Variants in POU6F2 observed in about 807,000 individuals in gnomAD.
POU6F2 encodes POU domain, class 6, transcription factor 2.
In POU6F2, 31 loss-of-function variants were observed where a neutral mutation model predicts 71.3. That is an observed-to-expected ratio of 0.43 (90% CI 0.33 to 0.59). POU6F2 has a LOEUF of 0.59. Ranked by LOEUF, POU6F2 falls within the 20% of genes least tolerant of loss-of-function variation. The pLI is 0.04. For missense variants in POU6F2, 783 were observed against 856.8 expected (o/e 0.91, Z 1.07); for synonymous variants, 347 against 355.7 (o/e 0.98, Z 0.27).
At chr7:39,015,347 A>AAT (rs199939535) in intron 1 of POU6F2, among the ~76,000 whole-genome samples, 3 of 134,772 alleles carry the variant, frequency 2.2e-5, no homozygotes, top group East Asian at 4.2e-4. Flanking sequence ...AATATATAAT[A>AAT]ATAGATATAT....
chr7:39,030,543 T>TATATATATAA, intron 1 of POU6F2, among the ~76,000 whole-genome samples: 1 of 88,014 alleles, frequency 1.1e-5, no homozygotes, highest in South Asian at 3.7e-4. Flanking sequence ...TATATATATA[T>TATATATATAA]ACACACACAT....
chr7:39,436,529 C>T (rs982345419), intron 7 of POU6F2, among the ~76,000 whole-genome samples: 3 of 138,212 alleles, frequency 2.2e-5, no homozygotes, highest in African/African-American at 8.8e-5. Context: ...GGGGCCGAGA[C>T]GATGGGGTTT....
intron 4 of POU6F2, among the ~76,000 whole-genome samples, chr7:39,264,833 C>T (rs554212251): frequency 2.0e-5 from 3 of 151,960 alleles, no homozygotes; most frequent in East Asian, 3.9e-4. Flanking sequence ...TGTGTGGAGA[C>T]GGCTAATATA....
chr7:39,355,572 A>G (rs1370589151), intron 5 of POU6F2, among the ~76,000 whole-genome samples: 2 of 152,132 alleles, frequency 1.3e-5, no homozygotes, highest in Non-Finnish European at 2.9e-5. Context: ...GGAAGCAGGT[A>G]TATCAGTATC....
intron 5 of POU6F2, among the ~76,000 whole-genome samples, chr7:39,378,941 G>A (rs932295921): frequency 2.6e-5 from 4 of 152,142 alleles, no homozygotes; most frequent in African/African-American, 7.2e-5. Context: ...TTCCCTTGTG[G>A]GGAAGATTGA....
chr7:39,349,532 A>AT (rs1192119332), intron 5 of POU6F2, among the ~76,000 whole-genome samples: 4 of 151,974 alleles, frequency 2.6e-5, no homozygotes, highest in Admixed American at 6.5e-5. Flanking sequence ...TGGTCAGGAG[A>AT]TCCCCCAGCC....
chr7:39,032,556 A>G (rs1490633828), intron 1 of POU6F2, among the ~76,000 whole-genome samples: 1 of 152,230 alleles, frequency 6.6e-6, no homozygotes, highest in Non-Finnish European at 1.5e-5. Context: ...ACATGAAAGT[A>G]GCGCATCCTG....
At chr7:39,135,749 C>T (rs991814902) in intron 2 of POU6F2, among the ~76,000 whole-genome samples, 2 of 151,980 alleles carry the variant, frequency 1.3e-5, no homozygotes, top group Non-Finnish European at 2.9e-5. Context: ...CTCACTGTCA[C>T]CATTGTTATT....
At chr7:39,418,119 G>T (rs1048912840) in intron 6 of POU6F2, among the ~76,000 whole-genome samples, 1 of 152,128 alleles carries the variant, frequency 6.6e-6, no homozygotes, top group Non-Finnish European at 1.5e-5. Flanking sequence ...TTCAAACTCA[G>T]TTATGTCTAA....
At chr7:39,268,873 A>T (rs958968734) in intron 4 of POU6F2, among the ~76,000 whole-genome samples, 3 of 152,174 alleles carry the variant, frequency 2.0e-5, no homozygotes, top group Non-Finnish European at 4.4e-5. Flanking sequence ...ACCACTTTAA[A>T]TAAGTCTCCA....
rs950034120 is a variant in POU6F2 at position 39,237,475 on chromosome 7, A to G, written c.598+29855A>G. On this transcript the variant is annotated intron_variant, in intron 4 of 9. Coordinates refer to ENST00000518318, the MANE Select transcript of POU6F2 (RefSeq NM_001370959.1). ...ACTAATTAGGACCTTTCTCAAAGGA[A>G]TTGTGAACATGAAATACAGCTAACA... Among the ~76,000 whole-genome samples, 3 of 152,206 alleles carry G rather than the reference A, an allele frequency of 2.0e-5. No individual in the cohort carries two copies. In the East Asian group the frequency reaches 5.8e-4, roughly 29 times the overall value.
At chr7:39,107,092 T>C (rs1045202045) in intron 2 of POU6F2, among the ~76,000 whole-genome samples, 5 of 151,342 alleles carry the variant, frequency 3.3e-5, no homozygotes, top group Admixed American at 3.3e-4. Context: ...TTGCCCAGGC[T>C]GGAGTGTAGT....
At chr7:39,111,761 GC>G (rs962083792) in intron 2 of POU6F2, among the ~76,000 whole-genome samples, 1 of 152,068 alleles carries the variant, frequency 6.6e-6, no homozygotes, top group African/African-American at 2.4e-5. Context: ...ATTATATCAC[GC>G]AAGGACTGAA....
At chr7:39,141,019 G>T (rs918310770) in intron 2 of POU6F2, among the ~76,000 whole-genome samples, 4 of 152,080 alleles carry the variant, frequency 2.6e-5, no homozygotes, top group Admixed American at 1.3e-4. Context: ...GCAGCTTGTG[G>T]CCAGTCTTAA....
At chr7:39,401,751 C>T (rs987644879) in intron 5 of POU6F2, among the ~76,000 whole-genome samples, 3 of 152,162 alleles carry the variant, frequency 2.0e-5, no homozygotes, top group African/African-American at 7.2e-5. Flanking sequence ...TGAATATCCT[C>T]ATTTGAAAAC....
chr7:39,179,539 A>G (rs944148943), intron 2 of POU6F2, among the ~76,000 whole-genome samples: 2 of 152,198 alleles, frequency 1.3e-5, no homozygotes, highest in Non-Finnish European at 2.9e-5. Flanking sequence ...GCGCGCACAC[A>G]CACACACACA....
intron 1 of POU6F2, among the ~76,000 whole-genome samples, chr7:39,038,234 T>G (rs1267554147): frequency 6.6e-6 from 1 of 152,062 alleles, no homozygotes; most frequent in East Asian, 1.9e-4. Context: ...ACATTTTTTT[T>G]GACGTACCCT....
At chr7:39,409,115 A>G (rs1027753766) in intron 6 of POU6F2, among the ~76,000 whole-genome samples, 2 of 152,138 alleles carry the variant, frequency 1.3e-5, no homozygotes, top group South Asian at 2.1e-4. Flanking sequence ...AAGTAGGATT[A>G]CTCCACCCAG....
intron 4 of POU6F2, among the ~76,000 whole-genome samples, chr7:39,241,881 C>G (rs1783730582): frequency 6.6e-6 from 1 of 152,130 alleles, no homozygotes. Flanking sequence ...TTCTCATCCC[C>G]TTTGTAATTA....
Sources: gnomAD v4.1 joint callset for allele counts (sites outside exome capture counted in the v4.1 genomes callset) on GRCh38, gnomAD v4.1.1 for gene constraint, MANE v1.5 for transcripts, NCBI Gene and HGNC (gene_info 2026-07-23, HGNC 2026-07-21) for gene names.